ADAMTSL4: variants seen among roughly 807,000 people sequenced by gnomAD.
ADAMTSL4 encodes the protein ADAMTS-like protein 4.
Under a neutral mutation model 122.8 loss-of-function variants are expected in ADAMTSL4, and 97 were observed. The observed-to-expected ratio is 0.79, with a 90% CI of 0.67 to 0.93. The LOEUF (loss-of-function observed/expected upper bound fraction) is 0.93, where lower values mean the gene tolerates loss of function less well. Among genes scored for constraint, ADAMTSL4 ranks in the 40% least tolerant of loss-of-function variants. The pLI, the probability that ADAMTSL4 is intolerant of heterozygous loss-of-function variation, is 0.00. For missense variants in ADAMTSL4, 1,408 were observed against 1,453.5 expected (o/e 0.97, Z 0.51); for synonymous variants, 592 against 568.0 (o/e 1.04, Z -0.60).
Position 150,556,654 on chromosome 1 carries a change from A to G in ADAMTSL4, c.1610A>G (p.Asn537Ser), listed in dbSNP as rs1432616119. 1.9e-6 allele frequency: 3 copies of G among 1,613,988 alleles called. No homozygotes were observed. The highest frequency in any genetic ancestry group is 2.2e-5 in the East Asian group (1 of 44,858). Reference sequence around the variant, plus strand: ...GGCCCTGGGGGCCGGTCCATCATCAATGGGAACTGGGCTGTGGATCCCCCT... The same window carrying G: ...GGCCCTGGGGGCCGGTCCATCATCAGTGGGAACTGGGCTGTGGATCCCCCT... The part of the protein sequence containing the change: ...LRGPGGRSII[N>S]GNWAVDPPGS... Residue 537 changes from asparagine (N) to serine (S), a missense_variant, in exon 10 of 19, where the codon AAT becomes AGT. Transcript: ENST00000271643. The surrounding 1 kb of genome is among the most constrained non-coding windows in gnomAD (Gnocchi z 4.1).
At position 150,557,947 on chromosome 1, in the gene ADAMTSL4, G is replaced by A. The variant is rs781497103; in HGVS notation, c.2180G>A (p.Trp727Ter). 3.1e-6 allele frequency: 5 copies of A among 1,606,056 alleles called. No homozygotes were observed. The highest frequency in any genetic ancestry group is 4.2e-6 in the Non-Finnish European group (5 of 1,179,664). ...PCHGTPCPPY[W>*]EAGEWTSCSR... ...CCCTGCCCTGCTGGTGCCTGCAGCT[G>A]GGAGGCTGGCGAGTGGACATCCTGC... Residue 727 changes from tryptophan (W) to a stop codon, truncating the protein, a stop_gained and splice_region_variant, in exon 14 of 19, where the codon TGG (tryptophan) becomes TAG (stop). Coordinates refer to ENST00000271643, the MANE Select transcript of ADAMTSL4 (RefSeq NM_019032.6). LOFTEE classifies it high-confidence loss of function.
chr1:150,555,517 C>A lies in ADAMTSL4; in HGVS notation c.1323C>A (p.Thr441=). ...VRHTEKVQDG[T]LCQPGAPDIC... ...ACACTGAAAAGGTCCAGGATGGGACCCTGTGTCAGCCTGGAGCCCCTGACA... is the reference window on the plus strand; with the variant it reads ...ACACTGAAAAGGTCCAGGATGGGACACTGTGTCAGCCTGGAGCCCCTGACA... The change falls in exon 8 of 19, where the codon ACC becomes ACA. Residue 441 remains threonine, a synonymous_variant. Coordinates refer to ENST00000271643, the MANE Select transcript of ADAMTSL4 (RefSeq NM_019032.6). 1.9e-6 allele frequency: 3 copies of A among 1,614,134 alleles called. No homozygotes were observed. The highest frequency in any genetic ancestry group is 2.5e-6 in the Non-Finnish European group (3 of 1,180,024).
chr1:150,558,273 C>T, intron 14 of ADAMTSL4, 124 bp downstream of exon 14: 1 of 1,539,380 alleles, frequency 6.5e-7, no homozygotes, highest in Non-Finnish European at 8.8e-7. Context: ...ATATGGACCC[C>T]CAATATAGAA....
At position 150,556,482 on chromosome 1, in the gene ADAMTSL4, G is replaced by A. The variant is rs936801994; in HGVS notation, c.1576+116G>A. 3.8e-6 allele frequency: 6 copies of A among 1,563,422 alleles called. No individual in the cohort carries two copies. The highest frequency in any genetic ancestry group is 1.7e-4 in the Middle Eastern group (1 of 5,948). On this transcript the variant is annotated intron_variant, in intron 9 of 18. Coordinates refer to ENST00000271643, the MANE Select transcript of ADAMTSL4 (RefSeq NM_019032.6). The surrounding 1 kb of genome is among the most constrained non-coding windows in gnomAD (Gnocchi z 4.1). Reference sequence around the variant, plus strand: ...AGTCCAGGGCCTAGCCCCTCCCCTCGTGGAAGGAGTGAGGAAGCTGAGAGG... The same window carrying A: ...AGTCCAGGGCCTAGCCCCTCCCCTCATGGAAGGAGTGAGGAAGCTGAGAGG...
At position 150,560,225 on chromosome 1, in the gene ADAMTSL4, C is replaced by T. The variant is rs1672639421; in HGVS notation, c.*29C>T. On this transcript the variant is annotated 3_prime_UTR_variant, in exon 19 of 19. Transcript: ENST00000271643. ...GGGTCCGGGGCACCTTCACGGTTTT[C>T]TGTGCCACCATCGGTCACCCATTGA... The T allele has an allele frequency of 1.9e-6, 3 of 1,613,286 alleles. No homozygotes were observed. Among genetic ancestry groups the T allele is most frequent in the Non-Finnish European group, 2.5e-6 (3 of 1,179,624 alleles).
Position 150,554,278 on chromosome 1 carries a change from G to A in ADAMTSL4, c.1132-87G>A, listed in dbSNP as rs1285395818. 3 of 1,478,168 alleles carry A rather than the reference G, an allele frequency of 2.0e-6. No homozygotes were observed. The South Asian group carries it at 3.4e-5, about 17-fold the overall frequency. 91.6% of individuals were successfully genotyped at this position (1,478,168 alleles called of 1,614,324 possible). The stretch of plus-strand genomic sequence containing the variant: ...GGTCTTGGAGCTCTTCCGCTGACCT[G>A]AGCCTCCCACCTGCTCCCCAGGTTC... On this transcript the variant is annotated intron_variant, in intron 6 of 18. Coordinates refer to ENST00000271643, the MANE Select transcript of ADAMTSL4 (RefSeq NM_019032.6). The surrounding 1 kb of genome is among the most constrained non-coding windows in gnomAD (Gnocchi z 4.0).
At chr1:150,555,356 CCCCCTCTGGGG>C in intron 7 of ADAMTSL4, 62 bp from the exon 8 acceptor site, 1 of 1,594,014 alleles carries the variant, frequency 6.3e-7, no homozygotes. Context: ...CCTCAAGGTG[CCCCCTCTGGGG>C]CCTCTCTCAG....
chr1:150,554,821 A>T lies in ADAMTSL4; in HGVS notation c.1234+354A>T. ...TGCCACGCATCCTGGGCACTGTCGT[A>T]TCGGTTGCTCCCAGGTTACCATCCG... is the stretch of plus-strand genomic sequence containing the variant. On this transcript the variant is annotated intron_variant, in intron 7 of 18. Coordinates refer to ENST00000271643, the MANE Select transcript of ADAMTSL4 (RefSeq NM_019032.6). This position sits in a 1 kb window ranked among gnomAD's most constrained non-coding sequence, Gnocchi z 4.0. The T allele has an allele frequency of 1.5e-6, 1 of 648,670 alleles. No homozygotes were observed. The highest frequency in any genetic ancestry group is 2.8e-5 in the East Asian group (1 of 36,252). The allele number at this position is 648,670 out of a possible 1,614,324, so 40.2% of individuals were successfully genotyped here.
At chr1:150,555,690 C>T (rs1297712530) in intron 8 of ADAMTSL4, 125 bp downstream of exon 8, 43 of 1,324,366 alleles carry the variant, frequency 3.2e-5, no homozygotes, top group South Asian at 2.3e-4. Flanking sequence ...CATACACACA[C>T]GCATATGCGC....
chr1:150,557,035 C>T lies in ADAMTSL4; in HGVS notation c.1846C>T (p.Pro616Ser), dbSNP rs200684248. 3 of 1,613,890 alleles carry T rather than the reference C, an allele frequency of 1.9e-6. No individual in the cohort carries two copies. The highest frequency in any genetic ancestry group is 1.7e-5 in the Admixed American group (1 of 60,020). Residue 616 changes from proline (P) to serine (S), a missense_variant, in exon 11 of 19, where the codon CCC becomes TCC. Pro to Ser is a moderately conservative substitution (Grantham distance 74, BLOSUM62 -1). Coordinates refer to ENST00000271643, the MANE Select transcript of ADAMTSL4 (RefSeq NM_019032.6). Reference protein sequence around the residue: ...LENPTPEPPVPQLQPEILRVE... With the variant: ...LENPTPEPPVSQLQPEILRVE... Reference sequence around the variant, plus strand: ...GAACCCCACCCCAGAGCCCCCTGTCCCCCAGCTTCAGCCGGGTAAGACTCT... The same window carrying T: ...GAACCCCACCCCAGAGCCCCCTGTCTCCCAGCTTCAGCCGGGTAAGACTCT...
In ADAMTSL4 at chr1:150,553,240, C is replaced by G; in HGVS notation, c.421C>G (p.Arg141Gly). ...HLGREETQEI[R>G]AARRSRLRDP... is the part of the protein sequence containing the mutation. ...AGGGAGAGAGGAGACCCAGGAGATT[C>G]GAGCGGCCAGGAGGTGAGAGGCCTG... is the stretch of plus-strand genomic sequence containing the variant. Residue 141 changes from arginine to glycine, a missense_variant, in exon 5 of 19, where the codon CGA becomes GGA. Arg to Gly is a moderately radical substitution (Grantham distance 125, BLOSUM62 -2). Transcript: ENST00000271643. 6.2e-7 allele frequency: 1 copy of G among 1,608,582 alleles called. No homozygotes were observed. Among genetic ancestry groups the G allele is most frequent in the East Asian group, 2.2e-5 (1 of 44,814 alleles).
chr1:150,557,659 A>C, intron 13 of ADAMTSL4, 36 bp downstream of exon 13: 1 of 1,583,456 alleles, frequency 6.3e-7, no homozygotes, highest in Non-Finnish European at 8.6e-7. Context: ...GGGTTAGGGT[A>C]CTGGAAACAC....
chr1:150,552,397 G>A lies in ADAMTSL4; in HGVS notation c.20+89G>A, dbSNP rs1029361905. On this transcript the variant is annotated intron_variant, in intron 3 of 18. Transcript: ENST00000271643. The surrounding 1 kb of genome is among the most constrained non-coding windows in gnomAD (Gnocchi z 4.0). The stretch of plus-strand genomic sequence containing the variant: ...TGGAAGTGAGGGAAAGGGGACCACT[G>A]GGAGGGGCAGGGGAAGTGATGAGTA... 1 of 1,534,562 alleles carries A rather than the reference G, an allele frequency of 6.5e-7. No individual in the cohort carries two copies. The highest frequency in any genetic ancestry group is 8.9e-7 in the Non-Finnish European group (1 of 1,125,814).
chr1:150,550,837 T>C (rs775691208), intron 2 of ADAMTSL4: 23 of 456,348 alleles, frequency 5.0e-5, no homozygotes, highest in Non-Finnish European at 9.7e-5. Context: ...TTCCGAACCC[T>C]AGGTCTCAGG....
chr1:150,559,740 T>C lies in ADAMTSL4; in HGVS notation c.2944-21T>C, dbSNP rs749752921. On this transcript the variant is annotated intron_variant, in intron 17 of 18. Coordinates refer to ENST00000271643, the MANE Select transcript of ADAMTSL4 (RefSeq NM_019032.6). The surrounding 1 kb of genome is among the most constrained non-coding windows in gnomAD (Gnocchi z 4.1). ...TCCCGGGCCTGGCAAAGGTCTGATA[T>C]GATGGCTGGGGTCGCCCCAGTGTTC... 8 of 1,613,808 alleles carry C rather than the reference T, an allele frequency of 5.0e-6. No individual in the cohort carries two copies. Among genetic ancestry groups the C allele is most frequent in the Non-Finnish European group, 6.8e-6 (8 of 1,179,988 alleles).
In ADAMTSL4 at chr1:150,554,709, A is replaced by G. The variant is rs1271478642; in HGVS notation, c.1234+242A>G. 3.4e-6 allele frequency: 5 copies of G among 1,485,966 alleles called. No individual in the cohort carries two copies. Among genetic ancestry groups the G allele is most frequent in the African/African-American group, 2.8e-5 (2 of 71,864 alleles). The allele number at this position is 1,485,966 out of a possible 1,614,324, so 92.0% of individuals were successfully genotyped here. A position where few individuals can be genotyped will look rare whatever the true frequency, so the allele number is the denominator to read the frequency against. ...ACGCTTTGTCCGGACTCCCCTGGGA[A>G]GGCCATCACTGGGGGTCAGGTGGCT... is the stretch of plus-strand genomic sequence containing the variant. On this transcript the variant is annotated intron_variant, in intron 7 of 18. Transcript: ENST00000271643. The surrounding 1 kb of genome is among the most constrained non-coding windows in gnomAD (Gnocchi z 4.0).
Position 150,553,214 on chromosome 1 carries a change from T to C in ADAMTSL4, c.395T>C (p.Leu132Pro). 1.2e-6 allele frequency: 2 copies of C among 1,607,446 alleles called. No homozygotes were observed. The highest frequency in any genetic ancestry group is 8.5e-7 in the Non-Finnish European group (1 of 1,176,862). Residue 132 changes from leucine to proline, a missense_variant, in exon 5 of 19, where the codon CTA becomes CCA. Physicochemically the swap from Leu to Pro is moderately conservative, Grantham distance 98 (BLOSUM62 -3). Coordinates refer to ENST00000271643, the MANE Select transcript of ADAMTSL4 (RefSeq NM_019032.6). ...GGPLRGPASH[L>P]GREETQEIRA... is the part of the protein sequence containing the mutation. ...CCACTTCGAGGTCCCGCTTCCCACC[T>C]AGGGAGAGAGGAGACCCAGGAGATT...
chr1:150,557,191 C>T lies in ADAMTSL4; in HGVS notation c.1903C>T (p.Pro635Ser). Residue 635 changes from proline to serine, a missense_variant, in exon 12 of 19, where the codon CCA becomes TCA. Coordinates refer to ENST00000271643, the MANE Select transcript of ADAMTSL4 (RefSeq NM_019032.6). Reference protein sequence around the residue: ...VEPPLAPAPRPARTPGTLQRQ... With the variant: ...VEPPLAPAPRSARTPGTLQRQ... ...GCCCCCACTTGCTCCGGCACCCCGC[C>T]CAGCCCGGACCCCAGGCACCCTCCA... 1 of 1,611,894 alleles carries T rather than the reference C, an allele frequency of 6.2e-7. No homozygotes were observed. The highest frequency in any genetic ancestry group is 8.5e-7 in the Non-Finnish European group (1 of 1,179,750).
At position 150,557,245 on chromosome 1, in the gene ADAMTSL4, G is replaced by T. The variant is rs587687025; in HGVS notation, c.1957G>T (p.Ala653Ser). ...TCAGGTGCGGATCCCCCAGATGCCC[G>T]CCCCGCCCCATCCCAGGACACCCCT... The part of the protein sequence containing the change: ...QRQVRIPQMP[A>S]PPHPRTPLGS... The change falls in exon 12 of 19, where the codon GCC becomes TCC. Residue 653 changes from alanine (A) to serine (S), a missense_variant. Physicochemically the swap from Ala to Ser is moderately conservative, Grantham distance 99 (BLOSUM62 1). Transcript: ENST00000271643. 1.5e-6 allele frequency: 2 copies of T among 1,367,382 alleles called. No homozygotes were observed. The highest frequency in any genetic ancestry group is 1.1e-5 in the South Asian group (1 of 87,068). 84.7% of individuals were successfully genotyped at this position (1,367,382 alleles called of 1,614,324 possible).
Sources: allele counts gnomAD v4.1 joint callset, GRCh38; gene constraint gnomAD v4.1.1; non-coding constraint Gnocchi (gnomAD v3.1); transcripts MANE v1.5; gene names NCBI Gene and HGNC (gene_info 2026-07-23, HGNC 2026-07-21).